Variants in PCDHA1 observed in about 807,000 individuals in gnomAD.
PCDHA1 encodes protocadherin alpha-1.
PCDHA1 carries 42 observed loss-of-function variants against 61.3 expected under a neutral mutation model. That is an observed-to-expected ratio of 0.69 (90% confidence interval 0.54 to 0.89). PCDHA1 has a LOEUF of 0.89. Ranked by LOEUF, PCDHA1 falls within the 40% of genes least tolerant of loss-of-function variation. The pLI is 0.00. For missense variants in PCDHA1, 1,256 were observed against 1,235.3 expected, an observed-to-expected ratio of 1.02 and a Z score of -0.25; for synonymous variants, 610 against 553.8, an observed-to-expected ratio of 1.10 and a Z score of -1.43.
At chr5:140,868,817 T>C in intron 1 of PCDHA1, 1 of 380,686 alleles carries the variant, frequency 2.6e-6, no homozygotes, top group South Asian at 6.7e-5. Context: ...TTGGAAATAT[T>C]TGGGGGAAGA....
chr5:140,927,480 C>T (rs782233621), intron 1 of PCDHA1: 3 of 1,613,976 alleles, frequency 1.9e-6, no homozygotes, highest in African/African-American at 1.3e-5. Context: ...GCGAACAGCG[C>T]GCCACCCACC....
At chr5:140,867,891 G>A (rs1468636250) in intron 1 of PCDHA1, 1 of 152,016 alleles carries the variant, frequency 6.6e-6, no homozygotes, top group Non-Finnish European at 1.5e-5. Flanking sequence ...CACAATATCA[G>A]GTACTTACAG....
chr5:140,930,196 T>C (rs1554207641), intron 1 of PCDHA1: 1 of 152,226 alleles, frequency 6.6e-6, no homozygotes, highest in South Asian at 2.1e-4. Flanking sequence ...AATTTTTATG[T>C]CAGAAATATT....
rs571391051 is a variant in PCDHA1 at position 140,964,645 on chromosome 5, A to G, written c.2395-14304A>G. Among the ~76,000 whole-genome samples the G allele has an allele frequency of 4.6e-5, 7 of 152,152 alleles. No individual in the cohort carries two copies. The East Asian group carries it at 7.7e-4, about 17-fold the overall frequency. ...TATAAGCCATTTATTTTCAGAAACA[A>G]GTAATGGGTGAGGACACAGGCCAGG... is the stretch of plus-strand genomic sequence containing the variant. On this transcript the variant is annotated intron_variant, in intron 1 of 3. Coordinates refer to ENST00000504120, the MANE Select transcript of PCDHA1 (RefSeq NM_018900.4).
Position 140,858,578 on chromosome 5 carries a change from A to T in PCDHA1, c.2394+69894A>T. On this transcript the variant is annotated intron_variant, in intron 1 of 3. Coordinates refer to ENST00000504120, the MANE Select transcript of PCDHA1 (RefSeq NM_018900.4). ...GAATATTTCTAGTGATACCTTTGTA[A>T]TATAATTTATTCCAGGAGTTTTAAA... 3 of 1,350,438 alleles carry T rather than the reference A, an allele frequency of 2.2e-6. No homozygotes were observed. The South Asian group carries it at 4.1e-5, about 18-fold the overall frequency. 83.7% of individuals were successfully genotyped at this position (1,350,438 alleles called of 1,614,324 possible). A position where few individuals can be genotyped will look rare whatever the true frequency, so the allele number is the denominator to read the frequency against.
At chr5:140,836,147 C>T in intron 1 of PCDHA1, 1 of 1,613,754 alleles carries the variant, frequency 6.2e-7, no homozygotes, top group African/African-American at 1.3e-5. Flanking sequence ...TGGGCGCGGG[C>T]CATGTGGTGG....
chr5:140,877,572 C>T (rs2057210526), intron 1 of PCDHA1: 6 of 1,613,784 alleles, frequency 3.7e-6, no homozygotes, highest in Non-Finnish European at 4.2e-6. Flanking sequence ...ACGTGTACCT[C>T]ATCATCGCCA....
Position 140,982,517 on chromosome 5 carries a change from A to T in PCDHA1, c.2496A>T (p.Pro832=), listed in dbSNP as rs990701966. The T allele has an allele frequency of 2.5e-5, 41 of 1,614,116 alleles. No individual in the cohort carries two copies. The highest frequency in any genetic ancestry group is 3.4e-5 in the Non-Finnish European group (40 of 1,180,048). Residue 832 remains proline, a synonymous_variant, in exon 3 of 4, where the codon CCA becomes CCT. Coordinates refer to ENST00000504120, the MANE Select transcript of PCDHA1 (RefSeq NM_018900.4). The part of the protein sequence containing the change: ...LEEAGILRAG[P]GGPDQQWPTV... ...AGGCTGGCATTCTACGGGCTGGTCC[A>T]GGAGGGCCTGATCAGCAGTGGCCAA...
intron 1 of PCDHA1, among the ~76,000 whole-genome samples, chr5:140,891,347 A>G (rs1554184792): frequency 6.6e-6 from 1 of 151,926 alleles, no homozygotes; most frequent in African/African-American, 2.4e-5. Context: ...ATTTTGGTGC[A>G]TCCATCACCT....
intron 1 of PCDHA1, chr5:140,835,322 T>C: frequency 6.2e-7 from 1 of 1,613,282 alleles, no homozygotes; most frequent in Non-Finnish European, 8.5e-7. Context: ...TTGAAGAAAG[T>C]AGAGCACACA....
chr5:140,793,888 C>T (rs1300456455), intron 1 of PCDHA1, among the ~76,000 whole-genome samples: 1 of 152,168 alleles, frequency 6.6e-6, no homozygotes, highest in African/African-American at 2.4e-5. Flanking sequence ...AATTTCAAAA[C>T]ATTTGCAAAC....
intron 1 of PCDHA1, among the ~76,000 whole-genome samples, chr5:140,833,623 C>A (rs2150209911): frequency 2.6e-5 from 4 of 152,064 alleles, no homozygotes; most frequent in Admixed American, 2.6e-4. Context: ...ATTCAGAATA[C>A]TTCCTCCTCA....
At chr5:140,830,188 C>A (rs2150182568) in intron 1 of PCDHA1, 2 of 1,613,672 alleles carry the variant, frequency 1.2e-6, no homozygotes, top group Non-Finnish European at 1.7e-6. Context: ...TCAACGTGTA[C>A]CTGATCATCG....
chr5:140,809,782 T>G (rs1554125356), intron 1 of PCDHA1: 4 of 502,500 alleles, frequency 8.0e-6, no homozygotes, highest in African/African-American at 3.9e-5. Flanking sequence ...CAATGCATAT[T>G]AACAGAACTG....
At chr5:140,985,083 G>A (rs782261438) in intron 3 of PCDHA1, among the ~76,000 whole-genome samples, 5 of 152,158 alleles carry the variant, frequency 3.3e-5, no homozygotes, top group East Asian at 1.9e-4. Context: ...GACTACAGGC[G>A]TGTGCCACCA....
At chr5:140,795,697 T>C in intron 1 of PCDHA1, 2 of 1,614,142 alleles carry the variant, frequency 1.2e-6, no homozygotes, top group Non-Finnish European at 1.7e-6. Context: ...TTTTGCCCAA[T>C]CAGTTTACAA....
At chr5:140,803,178 GC>G in intron 1 of PCDHA1, 1 of 1,613,858 alleles carries the variant, frequency 6.2e-7, no homozygotes, top group Non-Finnish European at 8.5e-7. Flanking sequence ...CTCATTGACC[GC>G]CACGGCCACT....
chr5:140,851,458 A>G lies in PCDHA1; in HGVS notation c.2394+62774A>G, dbSNP rs543530634. 8 of 902,168 alleles carry G rather than the reference A, an allele frequency of 8.9e-6. 1 individual carries two copies. The African/African-American group carries it at 1.4e-4, about 16-fold the overall frequency. 55.9% of individuals were successfully genotyped at this position (902,168 alleles called of 1,614,324 possible). ...ACAGTTGCTCCACTTTAGGAATCAA[A>G]TTATGTCAATAAATGTTATAAACAC... On this transcript the variant is annotated intron_variant, in intron 1 of 3. Coordinates refer to ENST00000504120, the MANE Select transcript of PCDHA1 (RefSeq NM_018900.4).
At position 140,803,129 on chromosome 5, in the gene PCDHA1, C is replaced by T. The variant is rs375912217; in HGVS notation, c.2394+14445C>T. 10 of 1,613,686 alleles carry T rather than the reference C, an allele frequency of 6.2e-6. No homozygotes were observed. In the African/African-American group the frequency reaches 1.1e-4, roughly 17 times the overall value. Reference sequence around the variant, plus strand: ...CCCTGGACGAGGTGGACGCCCCGCGCCATCGCCTACTGGTGCTGGTGAAGG... The same window carrying T: ...CCCTGGACGAGGTGGACGCCCCGCGTCATCGCCTACTGGTGCTGGTGAAGG... On this transcript the variant is annotated intron_variant, in intron 1 of 3. Transcript: ENST00000504120.
Sources: allele counts gnomAD v4.1 joint callset (sites outside exome capture counted in the v4.1 genomes callset), GRCh38; gene constraint gnomAD v4.1.1; transcripts MANE v1.5; gene names NCBI Gene and HGNC (gene_info 2026-07-23, HGNC 2026-07-21).